The following SHISA9 variants were observed in gnomAD, a reference collection of about 807,000 sequenced individuals.
SHISA9 encodes the protein shisa family member 9, also known as protein shisa-9.
SHISA9 carries 13 observed loss-of-function variants against 38.0 expected under a neutral mutation model. That is an observed-to-expected ratio of 0.34 (90% CI 0.22 to 0.54). The LOEUF is 0.54. Ranked by LOEUF, SHISA9 falls within the 20% of genes least tolerant of loss-of-function variation. The pLI, the probability that SHISA9 is intolerant of heterozygous loss-of-function variation, is 0.91. For synonymous variants in SHISA9, 275 were observed against 242.0 expected, an observed-to-expected ratio of 1.14 and a Z score of -1.27; for missense variants, 538 against 575.8, an observed-to-expected ratio of 0.93 and a Z score of 0.67.
the SHISA9 span, among the ~76,000 whole-genome samples, chr16:13,541,366 CTG>C: frequency 2.0e-5 from 3 of 152,206 alleles, no homozygotes; most frequent in Non-Finnish European, 4.4e-5. Flanking sequence ...TATTTAAAAA[CTG>C]TGTGAGAGCC....
At chr16:13,299,551 T>C in the SHISA9 span, among the ~76,000 whole-genome samples, 1 of 151,934 alleles carries the variant, frequency 6.6e-6, no homozygotes, top group Admixed American at 6.6e-5. Flanking sequence ...CTCTCTGTAC[T>C]AAAAATACAA....
At chr16:13,431,085 C>T in the SHISA9 span, among the ~76,000 whole-genome samples, 1 of 152,184 alleles carries the variant, frequency 6.6e-6, no homozygotes, top group Non-Finnish European at 1.5e-5. Context: ...CCTACACATC[C>T]TCCAAGACCC....
the SHISA9 span, among the ~76,000 whole-genome samples, chr16:13,275,066 T>G: frequency 6.6e-6 from 1 of 152,124 alleles, no homozygotes; most frequent in Non-Finnish European, 1.5e-5. Context: ...TCAGAAGACA[T>G]TTGAGTGCAG....
the SHISA9 span, among the ~76,000 whole-genome samples, chr16:13,524,792 C>G: frequency 6.6e-6 from 1 of 151,692 alleles, no homozygotes; most frequent in Non-Finnish European, 1.5e-5. Context: ...GTTTCGAACT[C>G]CTAGCCTCAA....
chr16:13,391,866 G>C, the SHISA9 span, among the ~76,000 whole-genome samples: 5 of 152,206 alleles, frequency 3.3e-5, no homozygotes, highest in African/African-American at 4.8e-5. Flanking sequence ...GGGACTGTCA[G>C]AGGACTATGA....
chr16:13,101,106 C>T (rs2073874896), intron 2 of SHISA9, among the ~76,000 whole-genome samples: 1 of 152,082 alleles, frequency 6.6e-6, no homozygotes, highest in Admixed American at 6.6e-5. Flanking sequence ...GTCTATGTTT[C>T]CGGGGCTGTG....
chr16:12,927,929 A>G (rs2071414054), intron 2 of SHISA9, among the ~76,000 whole-genome samples: 1 of 152,224 alleles, frequency 6.6e-6, no homozygotes, highest in South Asian at 2.1e-4. Context: ...GATGATTAAA[A>G]GTTAAAACAA....
intron 2 of SHISA9, among the ~76,000 whole-genome samples, chr16:12,925,876 C>T (rs555848533): frequency 1.5e-3 from 222 of 152,112 alleles, no homozygotes; most frequent in African/African-American, 4.9e-3. Context: ...CATGCATGCT[C>T]TTTTTGGTAT....
At chr16:12,907,769 T>C (rs2141708816) in intron 1 of SHISA9, among the ~76,000 whole-genome samples, 1 of 152,300 alleles carries the variant, frequency 6.6e-6, no homozygotes, top group African/African-American at 2.4e-5. Flanking sequence ...GGAATCCAGA[T>C]TCCTGATTTC....
the SHISA9 span, among the ~76,000 whole-genome samples, chr16:13,369,176 C>G: frequency 6.6e-6 from 1 of 151,966 alleles, no homozygotes; most frequent in Non-Finnish European, 1.5e-5. Flanking sequence ...TGAAAGCGTA[C>G]AAAATAGTAT....
At chr16:12,978,548 T>A (rs1179072981) in intron 2 of SHISA9, among the ~76,000 whole-genome samples, 2 of 152,160 alleles carry the variant, frequency 1.3e-5, no homozygotes, top group African/African-American at 4.8e-5. Context: ...TCCATAAAAC[T>A]CCCATAAACA....
the SHISA9 span, among the ~76,000 whole-genome samples, chr16:13,516,074 A>T: frequency 6.6e-6 from 1 of 152,134 alleles, no homozygotes; most frequent in African/African-American, 2.4e-5. Flanking sequence ...CTGCTCAAAA[A>T]CCTTTCAAAG....
chr16:13,278,468 G>C, the SHISA9 span, among the ~76,000 whole-genome samples: 3 of 152,048 alleles, frequency 2.0e-5, no homozygotes, highest in African/African-American at 7.2e-5. Flanking sequence ...TCTCTGTCTT[G>C]TGGAATAGTG....
chr16:13,024,570 G>A lies in SHISA9; in HGVS notation c.691+107755G>A, dbSNP rs191920516. Among the ~76,000 whole-genome samples, 315 of 152,320 alleles carry A rather than the reference G, an allele frequency of 2.1e-3. 1 individual carries two copies. Among genetic ancestry groups the A allele is most frequent in the African/African-American group, 7.0e-3 (292 of 41,572 alleles). On this transcript the variant is annotated intron_variant, in intron 2 of 4. Coordinates refer to ENST00000558583, the MANE Select transcript of SHISA9 (RefSeq NM_001145204.3). The stretch of plus-strand genomic sequence containing the variant: ...TGCTGGGATTCATGCAAGCTGAGCA[G>A]GATTTTCTGAGAGGCAGTGTACTGT...
At chr16:13,254,505 C>A in the SHISA9 span, among the ~76,000 whole-genome samples, 1 of 152,140 alleles carries the variant, frequency 6.6e-6, no homozygotes, top group South Asian at 2.1e-4. Flanking sequence ...TCTGAGACAC[C>A]CAATTAGAAA....
At chr16:13,358,141 G>A in the SHISA9 span, among the ~76,000 whole-genome samples, 1 of 152,116 alleles carries the variant, frequency 6.6e-6, no homozygotes, top group Non-Finnish European at 1.5e-5. Context: ...AAGTGGAAAG[G>A]GTAGCAATTG....
chr16:13,351,292 C>T, the SHISA9 span, among the ~76,000 whole-genome samples: 4 of 152,206 alleles, frequency 2.6e-5, no homozygotes, highest in African/African-American at 9.7e-5. Flanking sequence ...GACGTTAAAG[C>T]TACCAGGGCA....
rs574700171 is a variant in SHISA9 at position 13,046,540 on chromosome 16, T to C, written c.691+129725T>C. 2.0e-5 allele frequency among the ~76,000 whole-genome samples: 3 copies of C among 152,326 alleles called. No homozygotes were observed. The East Asian group carries it at 5.8e-4, about 29-fold the overall frequency. On this transcript the variant is annotated intron_variant, in intron 2 of 4. Transcript: ENST00000558583. ...TTGCCTATAGCCACACAGTAACTTA[T>C]TGAGAGAATCAATATTCTGTGCAAA... is the stretch of plus-strand genomic sequence containing the variant.
chr16:13,354,839 G>A, the SHISA9 span, among the ~76,000 whole-genome samples: 2 of 152,146 alleles, frequency 1.3e-5, no homozygotes, highest in African/African-American at 2.4e-5. Flanking sequence ...GGCAGGGAGA[G>A]CACGTGTGTT....
Sources: allele counts gnomAD v4.1 joint callset (sites outside exome capture counted in the v4.1 genomes callset), GRCh38; gene constraint gnomAD v4.1.1; transcripts MANE v1.5; gene names NCBI Gene and HGNC (gene_info 2026-07-23, HGNC 2026-07-21).